CUX2: variants seen among roughly 807,000 people sequenced by gnomAD.
CUX2 encodes the protein homeobox protein cut-like 2.
CUX2 carries 40 observed loss-of-function variants against 144.8 expected under a neutral mutation model. The observed-to-expected ratio is 0.28, with a 90% CI of 0.21 to 0.36. The LOEUF is 0.36. Among genes scored for constraint, CUX2 ranks in the 10% least tolerant of loss-of-function variants. The pLI is 1.00. For synonymous variants in CUX2, 827 were observed against 875.6 expected, an observed-to-expected ratio of 0.94 and a Z score of 0.98; for missense variants, 1,615 against 1,994.0, an observed-to-expected ratio of 0.81 and a Z score of 3.62.
At chr12:111,094,347 G>A (rs759107179) in intron 1 of CUX2, among the ~76,000 whole-genome samples, 10 of 152,216 alleles carry the variant, frequency 6.6e-5, no homozygotes, top group East Asian at 1.9e-4. Flanking sequence ...GACGGGGACC[G>A]GGAGCGGGCA....
At chr12:111,154,630 A>G (rs1238023780) in intron 1 of CUX2, among the ~76,000 whole-genome samples, 1 of 152,076 alleles carries the variant, frequency 6.6e-6, no homozygotes, top group African/African-American at 2.4e-5. Context: ...AGACGGGGAG[A>G]TGCAGTTGAT....
In CUX2 at chr12:111,277,781, A is replaced by G. The variant is rs1010243687; in HGVS notation, c.302-13637A>G. On this transcript the variant is annotated intron_variant, in intron 4 of 21. Transcript: ENST00000261726. This position sits in a 1 kb window ranked among gnomAD's most constrained non-coding sequence, Gnocchi z 5.0. ...CTGGTGGCTAAATGACGACTGCATT[A>G]GGGACTCTTAGTCACCTGTCACGGC... Among the ~76,000 whole-genome samples the G allele has an allele frequency of 2.6e-5, 4 of 152,222 alleles. No individual in the cohort carries two copies. Among genetic ancestry groups the G allele is most frequent in the Non-Finnish European group, 4.4e-5 (3 of 68,046 alleles).
intron 1 of CUX2, among the ~76,000 whole-genome samples, chr12:111,099,043 G>C (rs1461823295): frequency 6.6e-6 from 1 of 152,218 alleles, no homozygotes; most frequent in Non-Finnish European, 1.5e-5. Context: ...ATATAGCCTG[G>C]AAGGCCAAGG....
Position 111,044,080 on chromosome 12 carries a change from CT to C in CUX2, c.63+9841del, listed in dbSNP as rs145501736. 2.5e-3 allele frequency among the ~76,000 whole-genome samples: 383 copies of C among 152,330 alleles called. 1 individual carries two copies. Among genetic ancestry groups the C allele is most frequent in the Non-Finnish European group, 4.7e-3 (322 of 68,034 alleles). The stretch of plus-strand genomic sequence containing the variant: ...TTCCGTCAACCAAACAACCTTCCTC[CT>C]GTCCTTCTGTCCTCTCTCCTTCACA... On this transcript the variant is annotated intron_variant, in intron 1 of 21. Coordinates refer to ENST00000261726, the MANE Select transcript of CUX2 (RefSeq NM_015267.4).
At chr12:111,073,908 A>C (rs1459502880) in intron 1 of CUX2, among the ~76,000 whole-genome samples, 1 of 151,960 alleles carries the variant, frequency 6.6e-6, no homozygotes, top group Non-Finnish European at 1.5e-5. Context: ...GTGAGCGATG[A>C]TCACACCACT....
intron 3 of CUX2, among the ~76,000 whole-genome samples, chr12:111,226,311 C>A (rs1408913101): frequency 6.6e-6 from 1 of 152,180 alleles, no homozygotes; most frequent in African/African-American, 2.4e-5. Context: ...CTGCCCATAA[C>A]CAAGTCTTGC....
chr12:111,223,332 A>G (rs957499546), intron 3 of CUX2, among the ~76,000 whole-genome samples: 1 of 152,152 alleles, frequency 6.6e-6, no homozygotes, highest in African/African-American at 2.4e-5. Context: ...TCCATCCCAG[A>G]GGTTCTATTT....
chr12:111,049,528 C>T (rs1351054635), intron 1 of CUX2, among the ~76,000 whole-genome samples: 1 of 152,204 alleles, frequency 6.6e-6, no homozygotes, highest in African/African-American at 2.4e-5. Flanking sequence ...GTACACAGAG[C>T]TGTGGGGAAC....
intron 1 of CUX2, among the ~76,000 whole-genome samples, chr12:111,085,159 G>C (rs111853611): frequency 6.6e-6 from 1 of 152,178 alleles, no homozygotes; most frequent in African/African-American, 2.4e-5. Context: ...TAGAGGATGG[G>C]GATGGAGGTG....
Position 111,035,805 on chromosome 12 carries a change from A to G in CUX2, c.63+1565A>G, listed in dbSNP as rs1034837577. Among the ~76,000 whole-genome samples, 2 of 152,062 alleles carry G rather than the reference A, an allele frequency of 1.3e-5. No homozygotes were observed. Among genetic ancestry groups the G allele is most frequent in the Admixed American group, 6.5e-5 (1 of 15,274 alleles). On this transcript the variant is annotated intron_variant, in intron 1 of 21. Transcript: ENST00000261726. This position sits in a 1 kb window ranked among gnomAD's most constrained non-coding sequence, Gnocchi z 6.0. ...AATCGGGGCACTGAGGCATGCAGTT[A>G]ATAACTGCCGAGTGCCTTGCAATTC...
chr12:111,288,834 G>C (rs139770747), intron 4 of CUX2, among the ~76,000 whole-genome samples: 3 of 152,156 alleles, frequency 2.0e-5, no homozygotes, highest in African/African-American at 7.2e-5. Flanking sequence ...GTGATGGCGC[G>C]CATCTGTAAT....
Position 111,312,197 on chromosome 12 carries a change from G to C in CUX2, c.1998G>C (p.Lys666Asn). 1.9e-6 allele frequency: 3 copies of C among 1,606,494 alleles called. No homozygotes were observed. The highest frequency in any genetic ancestry group is 2.6e-6 in the Non-Finnish European group (3 of 1,175,562). Residue 666 changes from lysine (K) to asparagine (N), a missense_variant, in exon 16 of 22, where the codon AAG (lysine) becomes AAC (asparagine). Around this residue, in one of 12 missense-constraint regions of CUX2, gnomAD observed 390 missense variants for 387.1 expected, o/e 1.01. Transcript: ENST00000261726. The surrounding 1 kb of genome is among the most constrained non-coding windows in gnomAD (Gnocchi z 4.3). The stretch of plus-strand genomic sequence containing the variant: ...CCAAGAAGGAGATCGAGTCGCAGAA[G>C]GGCGGTGAGTGTGACCCCTGCAGGC... ...EQAKKEIESQ[K>N]GGEPKTSVAP...
At chr12:111,313,809 G>A (rs1887031120) in intron 16 of CUX2, among the ~76,000 whole-genome samples, 1 of 152,194 alleles carries the variant, frequency 6.6e-6, no homozygotes, top group African/African-American at 2.4e-5. Flanking sequence ...CTCTGCTGGT[G>A]TGGCTGTCCC....
chr12:111,042,331 G>A (rs551962725), intron 1 of CUX2, among the ~76,000 whole-genome samples: 2 of 152,322 alleles, frequency 1.3e-5, no homozygotes, highest in East Asian at 3.9e-4. Flanking sequence ...CCTGAGTGGG[G>A]CCATCACTCC....
intron 1 of CUX2, among the ~76,000 whole-genome samples, chr12:111,060,170 T>G (rs1405338698): frequency 6.6e-6 from 1 of 152,164 alleles, no homozygotes; most frequent in Non-Finnish European, 1.5e-5. Context: ...AAGTCCAAAC[T>G]TCTACCTTAT....
intron 15 of CUX2, among the ~76,000 whole-genome samples, 164 bp from the exon 16 acceptor site, chr12:111,311,936 C>A (rs971682360): frequency 2.0e-5 from 3 of 152,172 alleles, no homozygotes; most frequent in Admixed American, 6.6e-5. Context: ...GAATCACTCA[C>A]AGGCCCACAG....
intron 1 of CUX2, among the ~76,000 whole-genome samples, chr12:111,101,188 A>T (rs1873212978): frequency 6.6e-6 from 1 of 152,122 alleles, no homozygotes; most frequent in African/African-American, 2.4e-5. Flanking sequence ...CCTGGGTGAC[A>T]ATGGGTCAGT....
Position 111,190,451 on chromosome 12 carries a change from T to C in CUX2, c.64-23749T>C, listed in dbSNP as rs1252327579. Among the ~76,000 whole-genome samples, 1 of 152,150 alleles carries C rather than the reference T, an allele frequency of 6.6e-6. No individual in the cohort carries two copies. Among genetic ancestry groups the C allele is most frequent in the Admixed American group, 6.5e-5 (1 of 15,270 alleles). On this transcript the variant is annotated intron_variant, in intron 1 of 21. Coordinates refer to ENST00000261726, the MANE Select transcript of CUX2 (RefSeq NM_015267.4). The surrounding 1 kb of genome is among the most constrained non-coding windows in gnomAD (Gnocchi z 4.0). Reference sequence around the variant, plus strand: ...TCCTGACCTTTCTCAGGGAGACATCTCCCCAAATTCATGAACATTCCTCCA... The same window carrying C: ...TCCTGACCTTTCTCAGGGAGACATCCCCCCAAATTCATGAACATTCCTCCA...
intron 12 of CUX2, 135 bp from the exon 13 acceptor site, chr12:111,308,149 GA>G (rs1259553605): frequency 3.1e-6 from 3 of 965,746 alleles, no homozygotes; most frequent in Non-Finnish European, 4.8e-6. Context: ...GGGTTGCAAT[GA>G]CTCTGGAATT....
Sources: gnomAD v4.1 joint callset for allele counts (sites outside exome capture counted in the v4.1 genomes callset) on GRCh38, gnomAD v4.1.1 for gene constraint, gnomAD v4.1.1 regional missense constraint, Gnocchi (gnomAD v3.1) non-coding constraint, MANE v1.5 for transcripts, NCBI Gene and HGNC (gene_info 2026-07-23, HGNC 2026-07-21) for gene names.